CUEDC1: variants seen among roughly 807,000 people sequenced by gnomAD.
The protein encoded by CUEDC1 is CUE domain containing 1.
Under a neutral mutation model 43.7 loss-of-function variants are expected in CUEDC1, and 30 were observed. That is an observed-to-expected ratio of 0.69 (90% CI 0.51 to 0.93). CUEDC1 has a LOEUF of 0.93. Ranked by LOEUF, CUEDC1 falls within the 40% of genes least tolerant of loss-of-function variation. CUEDC1 has a pLI of 0.00. For missense variants in CUEDC1, 486 were observed against 549.0 expected, an observed-to-expected ratio of 0.89 and a Z score of 1.15; for synonymous variants, 223 against 223.6, an observed-to-expected ratio of 1.00 and a Z score of 0.02.
Position 57,861,563 on chromosome 17 carries a change from A to G in CUEDC1, c.*1726T>C. 6.6e-6 allele frequency: 1 copy of G among 152,420 alleles called. No homozygotes were observed. The allele number at this position is 152,420 out of a possible 1,614,324, so 9.4% of individuals were successfully genotyped here. On this transcript the variant is annotated 3_prime_UTR_variant, in exon 11 of 11. Coordinates refer to ENST00000577830, the MANE Select transcript of CUEDC1 (RefSeq NM_001271875.2). ...AGGCCGGGAGGGAGGAGGGAGCAGG[A>G]GGGTCCAGCCCACGCCGCTGGCCAC... is the stretch of plus-strand genomic sequence containing the variant.
chr17:57,954,579 G>T lies in CUEDC1; in HGVS notation c.-316+646C>A, dbSNP rs1375309596. On this transcript the variant is annotated intron_variant, in intron 1 of 10. Transcript: ENST00000577830. This position sits in a 1 kb window ranked among gnomAD's most constrained non-coding sequence, Gnocchi z 4.3. ...AGCCTGGGGCACAGGAGCCGGCGGG[G>T]CGGGCGAGCAGGGGCGGGGACAGCG... Among the ~76,000 whole-genome samples, 1 of 152,088 alleles carries T rather than the reference G, an allele frequency of 6.6e-6. No individual in the cohort carries two copies. The highest frequency in any genetic ancestry group is 1.5e-5 in the Non-Finnish European group (1 of 67,996).
chr17:57,898,307 G>A (rs2074434885), intron 1 of CUEDC1, among the ~76,000 whole-genome samples: 1 of 152,182 alleles, frequency 6.6e-6, no homozygotes. Flanking sequence ...GCCTGTTGGG[G>A]CACAACAGGG....
At chr17:57,900,523 G>A (rs556469442) in intron 1 of CUEDC1, among the ~76,000 whole-genome samples, 2 of 152,302 alleles carry the variant, frequency 1.3e-5, no homozygotes, top group South Asian at 4.1e-4. Flanking sequence ...TCCACCCCCA[G>A]CAATTATGCA....
intron 1 of CUEDC1, among the ~76,000 whole-genome samples, chr17:57,892,167 C>T (rs1330741257): frequency 6.6e-6 from 1 of 152,202 alleles, no homozygotes; most frequent in Non-Finnish European, 1.5e-5. Flanking sequence ...CCTACACACT[C>T]ATTTACTCCT....
chr17:57,880,847 G>GA (rs199749235), intron 2 of CUEDC1, among the ~76,000 whole-genome samples: 31,687 of 126,894 alleles, frequency 0.25, 4,713 homozygotes, highest in African/African-American at 0.45. Context: ...TCCACCATAG[G>GA]GGCGGCCCCT....
chr17:57,939,468 GA>G (rs1217775273), intron 1 of CUEDC1, among the ~76,000 whole-genome samples: 8 of 112,818 alleles, frequency 7.1e-5, no homozygotes, highest in Non-Finnish European at 1.0e-4. Flanking sequence ...GGTGGGGGGA[GA>G]GGGTCTCACT....
intron 1 of CUEDC1, among the ~76,000 whole-genome samples, chr17:57,924,606 C>T (rs910988945): frequency 4.6e-5 from 7 of 152,248 alleles, no homozygotes; most frequent in South Asian, 2.1e-4. Context: ...TGATGGGCAC[C>T]GAGAGCCAAT....
chr17:57,933,829 T>G (rs1349573909), intron 1 of CUEDC1, among the ~76,000 whole-genome samples: 1 of 152,000 alleles, frequency 6.6e-6, no homozygotes, highest in African/African-American at 2.4e-5. Context: ...GGAGCCCGAC[T>G]TATGGGCTGG....
chr17:57,934,559 T>TCTAA (rs1567722978), intron 1 of CUEDC1, among the ~76,000 whole-genome samples: 1 of 65,336 alleles, frequency 1.5e-5, no homozygotes, highest in Non-Finnish European at 3.1e-5. Context: ...CCTGTCTCTC[T>TCTAA]AAAAAAAAAA....
chr17:57,899,643 C>A (rs1311021916), intron 1 of CUEDC1, among the ~76,000 whole-genome samples: 2 of 152,194 alleles, frequency 1.3e-5, no homozygotes, highest in Non-Finnish European at 2.9e-5. Context: ...GCCACACACA[C>A]CAGCTCACTC....
At chr17:57,937,871 C>A (rs913540716) in intron 1 of CUEDC1, among the ~76,000 whole-genome samples, 9 of 152,116 alleles carry the variant, frequency 5.9e-5, no homozygotes, top group Non-Finnish European at 1.2e-4. Context: ...GGTGCTACTG[C>A]ACTCCAGCTG....
At chr17:57,868,343 C>A in intron 7 of CUEDC1, 100 bp from the exon 8 acceptor site, 6 of 1,047,284 alleles carry the variant, frequency 5.7e-6, no homozygotes, top group Non-Finnish European at 8.9e-6. Flanking sequence ...CAAGGCCCCC[C>A]GGAGAGGGAG....
chr17:57,865,190 G>A (rs1186249438), intron 10 of CUEDC1, among the ~76,000 whole-genome samples: 1 of 152,220 alleles, frequency 6.6e-6, no homozygotes, highest in Non-Finnish European at 1.5e-5. Context: ...AGCGTGGGGT[G>A]ACAGTGGAGG....
At chr17:57,905,248 T>TCACACACACACACACACACACACA in intron 1 of CUEDC1, among the ~76,000 whole-genome samples, 1 of 44,264 alleles carries the variant, frequency 2.3e-5, no homozygotes, top group East Asian at 4.8e-3. Flanking sequence ...TCTCTCTCTC[T>TCACACACACACACACACACACACA]GACACACACA....
chr17:57,896,487 G>GGGGGGGGTGT (rs375270781), intron 1 of CUEDC1, among the ~76,000 whole-genome samples: 105 of 130,360 alleles, frequency 8.1e-4, no homozygotes, highest in South Asian at 5.2e-3. Flanking sequence ...TGCATTATGG[G>GGGGGGGGTGT]GTGTGTGTGT....
intron 1 of CUEDC1, among the ~76,000 whole-genome samples, chr17:57,925,087 A>G (rs929992564): frequency 6.6e-6 from 1 of 151,842 alleles, no homozygotes; most frequent in Non-Finnish European, 1.5e-5. Context: ...AATCAGTAAG[A>G]TCACAACTAG....
chr17:57,902,535 G>A (rs1454222893), intron 1 of CUEDC1, among the ~76,000 whole-genome samples: 1 of 152,244 alleles, frequency 6.6e-6, no homozygotes, highest in African/African-American at 2.4e-5. Context: ...AATAACTAAA[G>A]AGGAAGGATG....
intron 1 of CUEDC1, among the ~76,000 whole-genome samples, chr17:57,937,626 A>T (rs576687958): frequency 6.6e-6 from 1 of 150,848 alleles, no homozygotes; most frequent in South Asian, 2.1e-4. Context: ...AAAAAAACAG[A>T]AAAAGAAAAA....
chr17:57,871,790 G>A (rs2074037961), intron 5 of CUEDC1, among the ~76,000 whole-genome samples: 1 of 152,228 alleles, frequency 6.6e-6, no homozygotes, highest in Admixed American at 6.5e-5. Flanking sequence ...CAGGTGCGGT[G>A]GCGTGCGCCT....
Sources: gnomAD v4.1 joint callset for allele counts (sites outside exome capture counted in the v4.1 genomes callset) on GRCh38, gnomAD v4.1.1 for gene constraint, Gnocchi (gnomAD v3.1) non-coding constraint, MANE v1.5 for transcripts, NCBI Gene and HGNC (gene_info 2026-07-23, HGNC 2026-07-21) for gene names.